Variants in ANKS1B observed in about 807,000 individuals in gnomAD.
ANKS1B encodes ankyrin repeat and sterile alpha motif domain-containing protein 1B.
In ANKS1B, 36 loss-of-function variants were observed where a neutral mutation model predicts 148.3. The ratio of observed to expected loss-of-function variants is 0.24; its 90% CI spans 0.19 to 0.32. The LOEUF is 0.32. Among genes scored for constraint, ANKS1B ranks in the 10% least tolerant of loss-of-function variants. ANKS1B has a pLI of 1.00. For synonymous variants in ANKS1B, 542 were observed against 560.8 expected (o/e 0.97, Z 0.47); for missense variants, 1,157 against 1,542.6 (o/e 0.75, Z 4.19).
intron 3 of ANKS1B, among the ~76,000 whole-genome samples, chr12:99,808,970 C>G (rs1165894345): frequency 6.6e-6 from 1 of 152,040 alleles, no homozygotes; most frequent in African/African-American, 2.4e-5. Flanking sequence ...CAGATTTTAT[C>G]CATGATCATC....
At chr12:98,900,765 A>G (rs949915863) in intron 17 of ANKS1B, among the ~76,000 whole-genome samples, 4 of 152,206 alleles carry the variant, frequency 2.6e-5, no homozygotes, top group Non-Finnish European at 5.9e-5. Context: ...TGCTGTAAAA[A>G]TACTTTTACT....
intron 9 of ANKS1B, among the ~76,000 whole-genome samples, chr12:99,632,752 TATATATATATATATA>T (rs1219300345): frequency 0.015 from 1,680 of 112,284 alleles, 119 homozygotes; most frequent in African/African-American, 0.038. Flanking sequence ...TATATATATA[TATATATATATATATA>T]TTTTAATTAT....
chr12:99,093,425 C>T (rs1030308874), intron 15 of ANKS1B: 7 of 152,354 alleles, frequency 4.6e-5, no homozygotes, highest in Middle Eastern at 3.4e-3. Flanking sequence ...CCTTGTCAAA[C>T]GACCTGACTG....
At chr12:99,087,219 T>C (rs1271551351) in intron 15 of ANKS1B, among the ~76,000 whole-genome samples, 2 of 152,218 alleles carry the variant, frequency 1.3e-5, no homozygotes, top group Non-Finnish European at 2.9e-5. Flanking sequence ...ACAGAATAGA[T>C]GCATGTAAAC....
intron 9 of ANKS1B, among the ~76,000 whole-genome samples, chr12:99,517,852 G>T (rs1462970499): frequency 6.6e-6 from 1 of 152,042 alleles, no homozygotes; most frequent in Non-Finnish European, 1.5e-5. Context: ...CTAGCTGTGG[G>T]TCTGTCATAT....
intron 12 of ANKS1B, among the ~76,000 whole-genome samples, chr12:99,292,523 A>G (rs540360039): frequency 2.0e-5 from 3 of 151,008 alleles, no homozygotes; most frequent in Non-Finnish European, 4.4e-5. Context: ...TCAAAAAAAA[A>G]AAAACGAAAC....
intron 12 of ANKS1B, among the ~76,000 whole-genome samples, chr12:99,298,568 C>T (rs2081204089): frequency 6.6e-6 from 1 of 152,152 alleles, no homozygotes; most frequent in Non-Finnish European, 1.5e-5. Flanking sequence ...TGAGAACAGA[C>T]TAATACAACC....
chr12:99,072,331 T>C (rs2046531154), intron 16 of ANKS1B, among the ~76,000 whole-genome samples: 1 of 152,176 alleles, frequency 6.6e-6, no homozygotes, highest in South Asian at 2.1e-4. Context: ...TGAGTTCCTC[T>C]AAATGTCAGA....
intron 12 of ANKS1B, among the ~76,000 whole-genome samples, chr12:99,364,328 T>C (rs1480854810): frequency 1.3e-5 from 2 of 152,200 alleles, no homozygotes; most frequent in Non-Finnish European, 2.9e-5. Flanking sequence ...GAAGATTCTT[T>C]GTAGTGTCTG....
chr12:98,758,025 C>T (rs2153427160), intron 25 of ANKS1B, among the ~76,000 whole-genome samples: 1 of 152,244 alleles, frequency 6.6e-6, no homozygotes, highest in East Asian at 1.9e-4. Flanking sequence ...GTTTTCTCAT[C>T]TTAAAATGGG....
At chr12:99,958,282 T>C (rs1032677982) in intron 1 of ANKS1B, among the ~76,000 whole-genome samples, 6 of 152,012 alleles carry the variant, frequency 3.9e-5, no homozygotes, top group African/African-American at 1.5e-4. Context: ...GGTGAAAAAA[T>C]GGGGCAGTTA....
intron 16 of ANKS1B, among the ~76,000 whole-genome samples, chr12:99,081,134 CAT>C (rs1453115308): frequency 5.3e-5 from 8 of 152,120 alleles, no homozygotes; most frequent in Non-Finnish European, 7.4e-5. Flanking sequence ...TTAAAAAAGA[CAT>C]ATTAAAGAAT....
At chr12:99,287,068 A>T (rs1247277181) in intron 12 of ANKS1B, among the ~76,000 whole-genome samples, 1 of 151,814 alleles carries the variant, frequency 6.6e-6, no homozygotes, top group Non-Finnish European at 1.5e-5. Context: ...GGTGGTAGCC[A>T]GGCAGTGGAC....
At chr12:99,798,778 G>A (rs1225396317) in intron 4 of ANKS1B, among the ~76,000 whole-genome samples, 2 of 152,018 alleles carry the variant, frequency 1.3e-5, no homozygotes, top group South Asian at 2.1e-4. Flanking sequence ...TATTAAACTA[G>A]GGACTTCAAG....
intron 1 of ANKS1B, among the ~76,000 whole-genome samples, chr12:99,852,311 TTG>T (rs35522544): frequency 0.28 from 42,925 of 152,004 alleles, 6,448 homozygotes; most frequent in African/African-American, 0.36. Context: ...CCCTATTTTA[TTG>T]TGTCACTTTG....
intron 17 of ANKS1B, among the ~76,000 whole-genome samples, chr12:99,012,876 C>T (rs1205183116): frequency 6.6e-6 from 1 of 152,144 alleles, no homozygotes; most frequent in African/African-American, 2.4e-5. Flanking sequence ...TTATGAAGAT[C>T]CTGTCTACCA....
chr12:99,548,729 GCT>G (rs1193818981), intron 9 of ANKS1B, among the ~76,000 whole-genome samples: 2 of 152,072 alleles, frequency 1.3e-5, no homozygotes, highest in East Asian at 3.9e-4. Context: ...AAAAGATAGT[GCT>G]CTTTGCCTTT....
chr12:99,741,079 G>A (rs879508725), intron 8 of ANKS1B, among the ~76,000 whole-genome samples: 26 of 151,920 alleles, frequency 1.7e-4, no homozygotes, highest in Non-Finnish European at 2.6e-4. Flanking sequence ...GTGGTGGCGC[G>A]TACATGTAAT....
intron 4 of ANKS1B, among the ~76,000 whole-genome samples, chr12:99,798,123 A>G (rs2066471651): frequency 6.6e-6 from 1 of 152,006 alleles, no homozygotes; most frequent in Admixed American, 6.6e-5. Flanking sequence ...TAGCACTCCA[A>G]CCATAATTAT....
Sources: gnomAD v4.1 joint callset for allele counts (sites outside exome capture counted in the v4.1 genomes callset) on GRCh38, gnomAD v4.1.1 for gene constraint, MANE v1.5 for transcripts, NCBI Gene and HGNC (gene_info 2026-07-23, HGNC 2026-07-21) for gene names.